The following NAALADL2 variants were observed in gnomAD, a reference collection of about 807,000 sequenced individuals.
NAALADL2 encodes inactive N-acetylated-alpha-linked acidic dipeptidase-like protein 2.
A neutral mutation model predicts 87.2 loss-of-function variants in NAALADL2; 76 were observed. The observed-to-expected ratio is 0.87, with a 90% CI of 0.72 to 1.05. The LOEUF (loss-of-function observed/expected upper bound fraction) is 1.05, where lower values mean the gene tolerates loss of function less well. Among genes scored for constraint, NAALADL2 ranks in the 50% least tolerant of loss-of-function variants. The pLI is 0.00. For synonymous variants in NAALADL2, 354 were observed against 331.0 expected, an observed-to-expected ratio of 1.07 and a Z score of -0.75; for missense variants, 1,089 against 945.8, an observed-to-expected ratio of 1.15 and a Z score of -1.99.
At position 174,655,160 on chromosome 3, in the gene NAALADL2, CTG is replaced by C. The variant is rs755746248; in HGVS notation, c.-114-82479_-114-82478del. Reference sequence around the variant, plus strand: ...GAATTCATTGTTATCTGTGAAGACACTGTAAAATAGTAGTAACTAACAAAGAG... The same window carrying C: ...GAATTCATTGTTATCTGTGAAGACACTAAAATAGTAGTAACTAACAAAGAG... On this transcript the variant is annotated intron_variant, in intron 2 of 3. Coordinates refer to the NAALADL2 transcript ENST00000434257. Among the ~76,000 whole-genome samples the C allele has an allele frequency of 6.2e-4, 94 of 152,294 alleles. 1 individual carries two copies. The highest frequency in any genetic ancestry group is 1.9e-3 in the African/African-American group (80 of 41,560).
intron 1 of NAALADL2, chr3:174,459,096 T>G (rs546997051): frequency 6.6e-6 from 1 of 152,312 alleles, no homozygotes; most frequent in East Asian, 1.9e-4. Context: ...GATTATGCAG[T>G]GAGCTTTTTC....
intron 13 of NAALADL2, among the ~76,000 whole-genome samples, chr3:175,793,332 G>A (rs899758996): frequency 4.9e-5 from 7 of 142,706 alleles, no homozygotes; most frequent in African/African-American, 1.1e-4. Context: ...TTTTCGAGAC[G>A]GAGTCTCTCT....
chr3:174,830,250 G>T (rs1339031667), intron 3 of NAALADL2, among the ~76,000 whole-genome samples: 1 of 146,858 alleles, frequency 6.8e-6, no homozygotes, highest in Non-Finnish European at 1.5e-5. Context: ...ATGGTTTTAG[G>T]TCTAACGTTT....
chr3:175,520,149 A>G (rs16825894), intron 9 of NAALADL2, among the ~76,000 whole-genome samples: 5,143 of 152,300 alleles, frequency 0.034, 273 homozygotes, highest in African/African-American at 0.11. Context: ...ACAATGCTAC[A>G]TAAGTGTTAA....
intron 5 of NAALADL2, among the ~76,000 whole-genome samples, chr3:175,417,457 T>G (rs1714848613): frequency 6.6e-6 from 1 of 152,054 alleles, no homozygotes; most frequent in African/African-American, 2.4e-5. Context: ...TTCAAATAAT[T>G]TTTTAAAACT....
intron 2 of NAALADL2, among the ~76,000 whole-genome samples, chr3:175,170,767 C>T (rs9841283): frequency 0.022 from 3,273 of 151,390 alleles, 107 homozygotes; most frequent in African/African-American, 0.073. Context: ...TAACCCTTAA[C>T]GTGATGTTGC....
rs1754612444 is a variant in NAALADL2, at chr3:175,805,398, T to C, written c.*2195T>C. The stretch of plus-strand genomic sequence containing the variant: ...TATATGTTATTTGCTATTTGAAAAC[T>C]GTAGTTAACTATGGTTTTTTATTAG... On this transcript the variant is annotated 3_prime_UTR_variant, in exon 14 of 14. Transcript: ENST00000454872. 2 of 151,882 alleles carry C rather than the reference T, an allele frequency of 1.3e-5. No individual in the cohort carries two copies. The highest frequency in any genetic ancestry group is 4.8e-5 in the African/African-American group (2 of 41,396). The allele number at this position is 151,882 out of a possible 1,614,324, so 9.4% of individuals were successfully genotyped here.
rs116446476 is a variant in NAALADL2, at chr3:174,553,643, A to T, written c.-115+3006A>T. On this transcript the variant is annotated intron_variant, in intron 2 of 3. Coordinates refer to the NAALADL2 transcript ENST00000434257. ...TTAATGAGTTATAATCATCTTTAACATTTGATGTATATATCTTCATCTAGG... is the reference window on the plus strand; with the variant it reads ...TTAATGAGTTATAATCATCTTTAACTTTTGATGTATATATCTTCATCTAGG... Among the ~76,000 whole-genome samples, 193 of 152,240 alleles carry T rather than the reference A, an allele frequency of 1.3e-3. 1 individual carries two copies. The highest frequency in any genetic ancestry group is 4.5e-3 in the African/African-American group (186 of 41,550).
chr3:175,270,027 T>A (rs369196274), intron 4 of NAALADL2, among the ~76,000 whole-genome samples: 12 of 152,220 alleles, frequency 7.9e-5, no homozygotes, highest in African/African-American at 2.9e-4. Context: ...TCTATTAAAA[T>A]CCTTAAAATA....
intron 1 of NAALADL2, among the ~76,000 whole-genome samples, chr3:174,867,060 TG>T (rs776180764): frequency 2.6e-5 from 4 of 151,850 alleles, no homozygotes; most frequent in Non-Finnish European, 5.9e-5. Context: ...GCAATTAAGT[TG>T]GTATGTAGGT....
chr3:175,595,245 G>A (rs896515247), intron 10 of NAALADL2, among the ~76,000 whole-genome samples: 1 of 151,984 alleles, frequency 6.6e-6, no homozygotes, highest in Non-Finnish European at 1.5e-5. Flanking sequence ...ATCATTTATT[G>A]AATAAGGGGT....
chr3:175,449,974 T>C (rs774283494), intron 6 of NAALADL2, among the ~76,000 whole-genome samples: 5 of 152,202 alleles, frequency 3.3e-5, no homozygotes, highest in Non-Finnish European at 7.3e-5. Flanking sequence ...TATAATGAGT[T>C]ATTTATTTTT....
intron 2 of NAALADL2, among the ~76,000 whole-genome samples, chr3:175,168,478 G>A (rs976109225): frequency 6.6e-6 from 1 of 151,720 alleles, no homozygotes; most frequent in South Asian, 2.1e-4. Context: ...GTATAATATA[G>A]CAAGCAGTAT....
At chr3:174,747,309 C>CA (rs1429399738) in intron 3 of NAALADL2, among the ~76,000 whole-genome samples, 1 of 151,660 alleles carries the variant, frequency 6.6e-6, no homozygotes, top group Admixed American at 6.6e-5. Flanking sequence ...TTTACGTGGC[C>CA]AAAAAACATA....
chr3:175,403,634 A>G (rs1711767701), intron 5 of NAALADL2, among the ~76,000 whole-genome samples: 1 of 152,152 alleles, frequency 6.6e-6, no homozygotes, highest in Non-Finnish European at 1.5e-5. Context: ...AATTTGAGTT[A>G]TTTTGACAAT....
At chr3:174,628,892 G>T (rs1375492671) in intron 2 of NAALADL2, among the ~76,000 whole-genome samples, 1 of 152,148 alleles carries the variant, frequency 6.6e-6, no homozygotes, top group African/African-American at 2.4e-5. Context: ...AAGGTGAGAT[G>T]ACTCATTTAT....
chr3:175,657,669 C>T (rs1731663386), intron 11 of NAALADL2, among the ~76,000 whole-genome samples: 1 of 151,824 alleles, frequency 6.6e-6, no homozygotes, highest in Admixed American at 6.6e-5. Context: ...CAAGCTCCGC[C>T]TCCCAGGTTC....
At position 175,133,595 on chromosome 3, in the gene NAALADL2, G is replaced by A. The variant is rs191359992; in HGVS notation, c.545+36304G>A. Among the ~76,000 whole-genome samples the A allele has an allele frequency of 9.7e-3, 1,484 of 152,250 alleles. 24 individuals carry two copies. Among genetic ancestry groups the A allele is most frequent in the African/African-American group, 0.034 (1,426 of 41,548 alleles). On this transcript the variant is annotated intron_variant, in intron 2 of 13. Coordinates refer to ENST00000454872, the MANE Select transcript of NAALADL2 (RefSeq NM_207015.3). Reference sequence around the variant, plus strand: ...AAACCAGTCAGGCGTGGCGGCGCGCGCCTGCAATCGCAGGCACTCGGCAGG... The same window carrying A: ...AAACCAGTCAGGCGTGGCGGCGCGCACCTGCAATCGCAGGCACTCGGCAGG...
At chr3:175,785,096 C>T (rs1751739309) in intron 13 of NAALADL2, among the ~76,000 whole-genome samples, 2 of 150,726 alleles carry the variant, frequency 1.3e-5, no homozygotes, top group Admixed American at 6.6e-5. Context: ...TGTTCTTTTA[C>T]ATTTGCTGAG....
Sources: allele counts gnomAD v4.1 joint callset (sites outside exome capture counted in the v4.1 genomes callset), GRCh38; gene constraint gnomAD v4.1.1; transcripts MANE v1.5; gene names NCBI Gene and HGNC (gene_info 2026-07-23, HGNC 2026-07-21).